The following DDX60 variants were observed in gnomAD, a reference collection of about 807,000 sequenced individuals.
The protein encoded by DDX60 is probable ATP-dependent RNA helicase DDX60.
A neutral mutation model predicts 212.8 loss-of-function variants in DDX60; 165 were observed. The ratio of observed to expected loss-of-function variants is 0.78; its 90% CI spans 0.68 to 0.88. DDX60 has a LOEUF of 0.88. DDX60 is among the 40% of genes least tolerant of loss of function. DDX60 has a pLI of 0.00. For synonymous variants in DDX60, 703 were observed against 685.3 expected, an observed-to-expected ratio of 1.03 and a Z score of -0.40; for missense variants, 1,905 against 2,003.9, an observed-to-expected ratio of 0.95 and a Z score of 0.94.
intron 15 of DDX60, 103 bp downstream of exon 15, chr4:168,275,912 T>TTA: frequency 1.1e-6 from 1 of 928,676 alleles, no homozygotes; most frequent in Non-Finnish European, 1.5e-6. Flanking sequence ...GTATTTTCAG[T>TTA]AAAAAAAAAA....
Position 168,248,223 on chromosome 4 carries a change from T to C in DDX60, c.3928A>G (p.Asn1310Asp). 1 of 1,611,084 alleles carries C rather than the reference T, an allele frequency of 6.2e-7. No individual in the cohort carries two copies. The highest frequency in any genetic ancestry group is 8.5e-7 in the Non-Finnish European group (1 of 1,179,022). The change falls in exon 29 of 38, where the codon AAC becomes GAC. Residue 1310 changes from asparagine to aspartate, a missense_variant. Physicochemically the swap from Asn to Asp is conservative, Grantham distance 23. Transcript: ENST00000393743. ...TTCAACGCATCCAGATAGACTGAGT[T>C]TTGAGCAAAAACCACAGATTTACAA... ...MPCKSVVFAQNSVYLDALNYR... is the reference protein window; with the variant it reads ...MPCKSVVFAQDSVYLDALNYR...
At chr4:168,251,137 A>C (rs755964975) in intron 27 of DDX60, 31 bp from the exon 28 acceptor site, 2 of 1,567,802 alleles carry the variant, frequency 1.3e-6, no homozygotes, top group African/African-American at 2.8e-5. Flanking sequence ...AGGGATTATG[A>C]TTTAATTTTA....
chr4:168,251,003 A>G lies in DDX60; in HGVS notation c.3809T>C (p.Phe1270Ser), dbSNP rs762459821. 2 of 1,608,184 alleles carry G rather than the reference A, an allele frequency of 1.2e-6. No individual in the cohort carries two copies. The highest frequency in any genetic ancestry group is 2.2e-5 in the South Asian group (2 of 89,314). ...GATTTCAACTAATTGTTTTTCTTTG[A>G]AACTCATAGCACTGTGATGATATCC... is the stretch of plus-strand genomic sequence containing the variant. ...GIGYHHSAMS[F>S]KEKQLVEILF... is the part of the protein sequence containing the mutation. The change falls in exon 28 of 38, where the codon TTC (phenylalanine) becomes TCC (serine). Residue 1270 changes from phenylalanine (F) to serine (S), a missense_variant. Phe to Ser is a radical substitution (Grantham distance 155, BLOSUM62 -2). Transcript: ENST00000393743.
At chr4:168,295,676 T>G (rs1297849763) in intron 6 of DDX60, among the ~76,000 whole-genome samples, 1 of 152,226 alleles carries the variant, frequency 6.6e-6, no homozygotes, top group African/African-American at 2.4e-5. Context: ...AGTTTTTCTT[T>G]TAACAGTATT....
At chr4:168,263,891 T>G (rs1357265970) in intron 22 of DDX60, among the ~76,000 whole-genome samples, 2 of 152,134 alleles carry the variant, frequency 1.3e-5, no homozygotes, top group African/African-American at 2.4e-5. Flanking sequence ...GAGAGAGAAA[T>G]GATATATATT....
chr4:168,268,486 T>C (rs971195809), intron 20 of DDX60, among the ~76,000 whole-genome samples: 7 of 152,064 alleles, frequency 4.6e-5, no homozygotes, highest in African/African-American at 1.4e-4. Flanking sequence ...TCTAAACATC[T>C]CTGTAAAGTG....
chr4:168,286,988 T>C, intron 10 of DDX60, 60 bp downstream of exon 10: 1 of 1,368,974 alleles, frequency 7.3e-7, no homozygotes, highest in Non-Finnish European at 9.9e-7. Context: ...TTAGTGGTGT[T>C]TCCTAAACAC....
In DDX60 at chr4:168,310,191, T is replaced by C. The variant is rs115740031; in HGVS notation, c.74+807A>G. Among the ~76,000 whole-genome samples the C allele has an allele frequency of 2.9e-3, 446 of 152,254 alleles. 1 individual carries two copies. The highest frequency in any genetic ancestry group is 9.9e-3 in the African/African-American group (412 of 41,542). ...CTCCATGAGTTCAACACAACGATGCTGAAGTGGTCTACTCGCCCCCAAACA... is the reference window on the plus strand; with the variant it reads ...CTCCATGAGTTCAACACAACGATGCCGAAGTGGTCTACTCGCCCCCAAACA... On this transcript the variant is annotated intron_variant, in intron 3 of 37. Coordinates refer to ENST00000393743, the MANE Select transcript of DDX60 (RefSeq NM_017631.6).
intron 13 of DDX60, among the ~76,000 whole-genome samples, chr4:168,283,009 C>T (rs996215998): frequency 2.0e-5 from 3 of 152,034 alleles, no homozygotes; most frequent in African/African-American, 7.2e-5. Flanking sequence ...TAACCTTCCA[C>T]TCAAAAAATG....
At chr4:168,314,775 A>G (rs1423177662) in intron 1 of DDX60, among the ~76,000 whole-genome samples, 1 of 152,218 alleles carries the variant, frequency 6.6e-6, no homozygotes, top group East Asian at 1.9e-4. Flanking sequence ...TAAGATTCCA[A>G]AATGAGTGGG....
At chr4:168,273,833 T>TA (rs147891941) in intron 17 of DDX60, 101 bp downstream of exon 17, 58,359 of 1,406,898 alleles carry the variant, frequency 0.041, 1,394 homozygotes, top group Non-Finnish European at 0.049. Flanking sequence ...AAATGCAGGT[T>TA]AAAAAATAAA....
intron 25 of DDX60, among the ~76,000 whole-genome samples, chr4:168,256,356 A>G (rs1223448641): frequency 6.6e-6 from 1 of 152,168 alleles, no homozygotes; most frequent in Non-Finnish European, 1.5e-5. Context: ...ATTCTTTCCC[A>G]AAGAATAAAC....
In DDX60 at chr4:168,246,574, A is replaced by G. The variant is rs1473778152; in HGVS notation, c.4008T>C (p.Asp1336=). The change falls in exon 30 of 38, where the codon GAT becomes GAC. Residue 1336 remains aspartate (D), a synonymous_variant. Coordinates refer to ENST00000393743, the MANE Select transcript of DDX60 (RefSeq NM_017631.6). ...AGRRGQDLMG[D]VYFFDIPFPK... Reference sequence around the variant, plus strand: ...GGAATGGAATATCAAAGAAATATACATCTCCCATCAGGTCTTGACCTCTTC... The same window carrying G: ...GGAATGGAATATCAAAGAAATATACGTCTCCCATCAGGTCTTGACCTCTTC... 2.5e-6 allele frequency: 4 copies of G among 1,614,058 alleles called. No homozygotes were observed. The Admixed American group carries it at 5.0e-5, about 20-fold the overall frequency.
chr4:168,226,291 T>C (rs1733251770), intron 33 of DDX60, among the ~76,000 whole-genome samples: 1 of 152,104 alleles, frequency 6.6e-6, no homozygotes, highest in East Asian at 1.9e-4. Context: ...TCAAAATTTA[T>C]ATGTTAAAAT....
chr4:168,242,495 G>A (rs1025194126), intron 30 of DDX60, among the ~76,000 whole-genome samples: 1 of 152,244 alleles, frequency 6.6e-6, no homozygotes, highest in African/African-American at 2.4e-5. Flanking sequence ...TGACCTGGAT[G>A]TGAGACATGG....
intron 10 of DDX60, among the ~76,000 whole-genome samples, chr4:168,286,386 T>TTA (rs971732968): frequency 9.6e-5 from 7 of 72,832 alleles, no homozygotes; most frequent in African/African-American, 5.9e-4. Context: ...CTCCTTGATT[T>TTA]TATACACACA....
intron 6 of DDX60, among the ~76,000 whole-genome samples, chr4:168,294,162 G>A (rs1031215219): frequency 2.0e-5 from 3 of 152,086 alleles, no homozygotes; most frequent in Non-Finnish European, 4.4e-5. Context: ...TTTCTGAGAC[G>A]AAAGGAAACC....
At chr4:168,292,535 A>T (rs189456437) in intron 7 of DDX60, among the ~76,000 whole-genome samples, 3 of 152,346 alleles carry the variant, frequency 2.0e-5, no homozygotes, top group African/African-American at 7.2e-5. Context: ...CAACTAATAA[A>T]GTCGTAATTT....
intron 30 of DDX60, among the ~76,000 whole-genome samples, chr4:168,242,769 T>C (rs778657128): frequency 2.6e-5 from 4 of 152,130 alleles, no homozygotes; most frequent in Non-Finnish European, 4.4e-5. Context: ...GAGTTAAGAC[T>C]CTGGGAGACT....
Sources: allele counts gnomAD v4.1 joint callset (sites outside exome capture counted in the v4.1 genomes callset), GRCh38; gene constraint gnomAD v4.1.1; transcripts MANE v1.5; gene names NCBI Gene and HGNC (gene_info 2026-07-23, HGNC 2026-07-21).